Variants in SHROOM4 observed in about 807,000 individuals in gnomAD.
SHROOM4 encodes the protein shroom family member 4.
A neutral mutation model predicts 80.3 loss-of-function variants in SHROOM4; 17 were observed. The ratio of observed to expected loss-of-function variants is 0.21; its 90% CI spans 0.14 to 0.32. The LOEUF (loss-of-function observed/expected upper bound fraction) is 0.32. Among genes scored for constraint, SHROOM4 ranks in the 10% least tolerant of loss-of-function variants. The pLI, the probability that SHROOM4 is intolerant of heterozygous loss-of-function variation, is 1.00. For synonymous variants in SHROOM4, 400 were observed against 437.5 expected, an observed-to-expected ratio of 0.91 and a Z score of 1.07; for missense variants, 993 against 1,140.3, an observed-to-expected ratio of 0.87 and a Z score of 1.86.
At chrX:50,747,615 G>C (rs189990577) in intron 1 of SHROOM4, among the ~76,000 whole-genome samples, 2 of 112,507 alleles carry the variant, frequency 1.8e-5, no homozygotes, top group African/African-American at 3.2e-5. Context: ...TTTTACAAGG[G>C]CTATCTTACA....
rs781879740 is a variant in SHROOM4 at position 50,596,888 on chromosome X, C to A, written c.4289G>T (p.Arg1430Leu). Residue 1430 changes from arginine (R) to leucine (L), a missense_variant, in exon 9 of 9, where the codon CGC (arginine) becomes CTC (leucine). Physicochemically the swap from Arg to Leu is moderately radical, Grantham distance 102. Transcript: ENST00000376020. Reference sequence around the variant, plus strand: ...CATGCCAAACACCAACTTCTCCCGGCGGTCCACGTGCTCCTTCAGCTCCTT... The same window carrying A: ...CATGCCAAACACCAACTTCTCCCGGAGGTCCACGTGCTCCTTCAGCTCCTT... ...DAKELKEHVD[R>L]REKLVFGMVS... is the part of the protein sequence containing the mutation. The A allele has an allele frequency of 8.3e-7, 1 of 1,211,124 alleles. No homozygotes were observed. The highest frequency in any genetic ancestry group is 3.0e-5 in the East Asian group (1 of 33,795).
intron 1 of SHROOM4, among the ~76,000 whole-genome samples, chrX:50,711,362 G>T (rs1569547949): frequency 8.9e-6 from 1 of 111,884 alleles, no homozygotes; most frequent in Non-Finnish European, 1.9e-5. Context: ...TCTGGTTCAG[G>T]TAAGGAAGTT....
intron 1 of SHROOM4, among the ~76,000 whole-genome samples, chrX:50,697,791 G>A (rs1305879604): frequency 1.8e-5 from 2 of 111,023 alleles, no homozygotes. Context: ...GCTGCCTACC[G>A]CCAAGAAAAA....
Position 50,591,666 on chromosome X carries a change from C to T in SHROOM4, c.*5029G>A, listed in dbSNP as rs1296309360. On this transcript the variant is annotated 3_prime_UTR_variant, in exon 9 of 9. Coordinates refer to ENST00000376020, the MANE Select transcript of SHROOM4 (RefSeq NM_020717.5). ...CTTTTTGATGCTATTGTAAATGGAACTGTTTTCTTTCTTTCTTTCTTTCTT... is the reference window on the plus strand; with the variant it reads ...CTTTTTGATGCTATTGTAAATGGAATTGTTTTCTTTCTTTCTTTCTTTCTT... The T allele has an allele frequency of 6.8e-6, 2 of 295,277 alleles. No individual in the cohort carries two copies. The highest frequency in any genetic ancestry group is 3.0e-5 in the South Asian group (1 of 33,194). 24.3% of individuals were successfully genotyped at this position (295,277 alleles called of 1,213,427 possible).
intron 5 of SHROOM4, among the ~76,000 whole-genome samples, chrX:50,618,325 T>TTCCTTCCTTCCTTCCTTCCTTCCA: frequency 3.1e-4 from 1 of 3,254 alleles, no homozygotes; most frequent in South Asian, 0.037. Flanking sequence ...CCTTCCTTCC[T>TTCCTTCCTTCCTTCCTTCCTTCCA]TCCTTCCTTC....
chrX:50,807,401 T>C (rs782456496), intron 1 of SHROOM4, among the ~76,000 whole-genome samples: 6 of 111,808 alleles, frequency 5.4e-5, no homozygotes, highest in Admixed American at 2.8e-4. Context: ...TGACAGTGGA[T>C]AGGGACAGAG....
In SHROOM4 at chrX:50,773,862, T is replaced by A. The variant is rs184877142; in HGVS notation, c.117+40040A>T. ...CTTTCTTTTTGGCAAATGAATTATG[T>A]TTGAGCTAAAAGCAATGACCAGGGT... On this transcript the variant is annotated intron_variant, in intron 1 of 8. Transcript: ENST00000376020. Among the ~76,000 whole-genome samples, 6 of 112,460 alleles carry A rather than the reference T, an allele frequency of 5.3e-5. No homozygotes were observed. In the Admixed American group the frequency reaches 5.6e-4, roughly 11 times the overall value.
intron 2 of SHROOM4, among the ~76,000 whole-genome samples, chrX:50,643,901 C>G (rs1426529433): frequency 3.5e-5 from 4 of 112,794 alleles, no homozygotes; most frequent in Non-Finnish European, 7.5e-5. Flanking sequence ...AAAAATACCC[C>G]AGACACATAC....
In SHROOM4 at chrX:50,784,698, G is replaced by T. The variant is rs1282051285; in HGVS notation, c.117+29204C>A. ...TAAAAGAAAAATCATAGTTACATCG[G>T]TTAAGGCAAAAATTTCTTAAATAGG... On this transcript the variant is annotated intron_variant, in intron 1 of 8. Transcript: ENST00000376020. Among the ~76,000 whole-genome samples the T allele has an allele frequency of 2.7e-5, 3 of 111,800 alleles. No homozygotes were observed. The East Asian group carries it at 8.4e-4, about 31-fold the overall frequency.
chrX:50,789,782 T>G (rs1179863538), intron 1 of SHROOM4, among the ~76,000 whole-genome samples: 1 of 111,929 alleles, frequency 8.9e-6, no homozygotes, highest in African/African-American at 3.2e-5. Context: ...TACAAATAAA[T>G]TAAATCATCA....
At chrX:50,655,102 G>A (rs1247376678) in intron 2 of SHROOM4, among the ~76,000 whole-genome samples, 2 of 108,640 alleles carry the variant, frequency 1.8e-5, no homozygotes, top group Non-Finnish European at 3.8e-5. Context: ...TGTGTATGTT[G>A]CTGCAAAGGA....
intron 2 of SHROOM4, among the ~76,000 whole-genome samples, chrX:50,690,361 G>T (rs1557262550): frequency 9.0e-6 from 1 of 111,138 alleles, no homozygotes; most frequent in East Asian, 2.8e-4. Flanking sequence ...TTTGCTAAAG[G>T]CTTATCTATT....
chrX:50,602,093 C>CT (rs782323339), intron 7 of SHROOM4, among the ~76,000 whole-genome samples: 254 of 102,235 alleles, frequency 2.5e-3, no homozygotes, highest in African/African-American at 4.9e-3. Context: ...TTCTTTTCTT[C>CT]TTTTTTTTTT....
the SHROOM4 span, among the ~76,000 whole-genome samples, chrX:50,581,286 T>C: frequency 8.9e-6 from 1 of 112,204 alleles, no homozygotes; most frequent in African/African-American, 3.2e-5. Context: ...TGATTAATAT[T>C]TTGACATATT....
intron 1 of SHROOM4, among the ~76,000 whole-genome samples, chrX:50,770,590 T>A (rs1299406539): frequency 9.0e-6 from 1 of 111,725 alleles, no homozygotes; most frequent in Admixed American, 9.4e-5. Flanking sequence ...GGTCCCAGAG[T>A]AAATTATTTC....
intron 1 of SHROOM4, among the ~76,000 whole-genome samples, chrX:50,749,241 G>C (rs923910012): frequency 1.8e-5 from 2 of 111,304 alleles, no homozygotes; most frequent in Non-Finnish European, 3.8e-5. Flanking sequence ...AAGAGAAGAG[G>C]CCACTGAAAT....
At chrX:50,607,041 G>A (rs1297240299) in intron 6 of SHROOM4, among the ~76,000 whole-genome samples, 1 of 109,664 alleles carries the variant, frequency 9.1e-6, no homozygotes, top group Non-Finnish European at 1.9e-5. Flanking sequence ...AGTGTTCAAT[G>A]CCTTTGGGAT....
Position 50,638,231 on chromosome X carries a change from G to A in SHROOM4, c.347C>T (p.Thr116Ile). 3 of 1,210,581 alleles carry A rather than the reference G, an allele frequency of 2.5e-6. No individual in the cohort carries two copies. The highest frequency in any genetic ancestry group is 3.4e-6 in the Non-Finnish European group (3 of 894,895). ...LLEGCPEAAT[T>I]MHFPSEAFSL... is the part of the protein sequence containing the mutation. ...GAAGGCTTCAGAAGGGAAATGCATG[G>A]TGGTGGCTGCTTCAGGGCATCCCTC... The change falls in exon 3 of 9, where the codon ACC becomes ATC. Residue 116 changes from threonine (T) to isoleucine (I), a missense_variant. Coordinates refer to ENST00000376020, the MANE Select transcript of SHROOM4 (RefSeq NM_020717.5).
chrX:50,707,655 C>G (rs1385160953), intron 1 of SHROOM4, among the ~76,000 whole-genome samples: 1 of 98,010 alleles, frequency 1.0e-5, no homozygotes, highest in Non-Finnish European at 2.0e-5. Context: ...GTTTCTAAGT[C>G]TTGAGTGTAT....
Sources: gnomAD v4.1 joint callset for allele counts (sites outside exome capture counted in the v4.1 genomes callset) on GRCh38, gnomAD v4.1.1 for gene constraint, MANE v1.5 for transcripts, NCBI Gene and HGNC (gene_info 2026-07-23, HGNC 2026-07-21) for gene names.